The following STK3 variants were observed in gnomAD, a reference collection of about 807,000 sequenced individuals.
STK3 encodes the protein serine/threonine kinase 3.
In STK3, 41 loss-of-function variants were observed where a neutral mutation model predicts 58.0. The ratio of observed to expected loss-of-function variants is 0.71; its 90% CI spans 0.55 to 0.92. The LOEUF is 0.92. Ranked by LOEUF, STK3 falls within the 40% of genes least tolerant of loss-of-function variation. The pLI, the probability that STK3 is intolerant of heterozygous loss-of-function variation, is 0.00. For missense variants in STK3, 479 were observed against 602.7 expected, an observed-to-expected ratio of 0.79 and a Z score of 2.15; for synonymous variants, 170 against 191.0, an observed-to-expected ratio of 0.89 and a Z score of 0.91.
intron 6 of STK3, among the ~76,000 whole-genome samples, chr8:98,645,391 C>T (rs1417958549): frequency 1.3e-5 from 2 of 152,134 alleles, no homozygotes; most frequent in Non-Finnish European, 2.9e-5. Context: ...CTTAAAGGAA[C>T]ACACAAGGCC....
chr8:98,510,330 T>G (rs1459139523), intron 10 of STK3, among the ~76,000 whole-genome samples: 1 of 152,070 alleles, frequency 6.6e-6, no homozygotes, highest in East Asian at 1.9e-4. Context: ...ATGTGTGTTC[T>G]TTTTCTCCTT....
chr8:98,443,797 G>A lies in STK3; in HGVS notation n.186-6589C>T, dbSNP rs182599449. Among the ~76,000 whole-genome samples, 21 of 150,334 alleles carry A rather than the reference G, an allele frequency of 1.4e-4. 1 individual carries two copies. In the East Asian group the frequency reaches 3.7e-3, roughly 27 times the overall value. ...TAGGAGGCGGAGATTGCAATGAGCC[G>A]AGATCACACCACTGCATATTTCAAA... On this transcript the variant is annotated intron_variant and non_coding_transcript_variant, in intron 1 of 3. Coordinates refer to the STK3 transcript ENST00000517832.
downstream of STK3, among the ~76,000 whole-genome samples, chr8:98,368,207 A>G (rs1817581811): frequency 6.6e-6 from 1 of 152,232 alleles, no homozygotes; most frequent in South Asian, 2.1e-4. Context: ...GAGAAATCTG[A>G]AAGAGCTATA....
intron 1 of STK3, among the ~76,000 whole-genome samples, chr8:98,892,031 GT>G (rs897171548): frequency 2.0e-5 from 3 of 152,092 alleles, no homozygotes; most frequent in Non-Finnish European, 4.4e-5. Context: ...GTAGGCAGCT[GT>G]TTGCATAATG....
At chr8:98,378,695 AT>A (rs1170807534) in intron 2 of STK3, among the ~76,000 whole-genome samples, 5 of 152,196 alleles carry the variant, frequency 3.3e-5, no homozygotes, top group Admixed American at 6.5e-5. Context: ...CATCATCATG[AT>A]TATTATTAAT....
intron 1 of STK3, among the ~76,000 whole-genome samples, chr8:98,786,028 G>A (rs1832446708): frequency 6.6e-6 from 1 of 152,012 alleles, no homozygotes; most frequent in African/African-American, 2.4e-5. Flanking sequence ...CAACCAACAA[G>A]GACACTCAGA....
Position 98,650,547 on chromosome 8 carries a change from C to T in STK3, c.685-54378G>A, listed in dbSNP as rs369648629. ...CAAAGCAGGGAGAGGTATTGCCTCA[C>T]TCGGGAAGCGCAAGGGGTCAGGGAG... On this transcript the variant is annotated intron_variant, in intron 6 of 10. Transcript: ENST00000419617. Among the ~76,000 whole-genome samples the T allele has an allele frequency of 9.0e-4, 137 of 152,366 alleles. 1 individual carries two copies. In the Middle Eastern group the frequency reaches 0.01, roughly 11 times the overall value.
At chr8:98,634,635 A>ACG (rs1218933847) in intron 6 of STK3, among the ~76,000 whole-genome samples, 1 of 152,198 alleles carries the variant, frequency 6.6e-6, no homozygotes, top group Non-Finnish European at 1.5e-5. Flanking sequence ...TGATGAAAAA[A>ACG]CAGTGAAAAC....
At chr8:98,897,333 G>A (rs1263862132) in intron 1 of STK3, among the ~76,000 whole-genome samples, 2 of 152,114 alleles carry the variant, frequency 1.3e-5, no homozygotes, top group East Asian at 1.9e-4. Context: ...GGAGGCGGGC[G>A]GATCACGAGG....
At chr8:98,604,210 C>T (rs899993328) in intron 6 of STK3, among the ~76,000 whole-genome samples, 6 of 152,316 alleles carry the variant, frequency 3.9e-5, no homozygotes, top group African/African-American at 1.4e-4. Context: ...AGCTTCCCTG[C>T]CACCACTTCA....
intron 6 of STK3, among the ~76,000 whole-genome samples, chr8:98,651,165 C>G (rs1216990885): frequency 6.6e-6 from 1 of 152,218 alleles, no homozygotes; most frequent in Non-Finnish European, 1.5e-5. Context: ...AACGATCAGA[C>G]AGCAGCATTC....
chr8:98,691,659 G>A (rs1449726831), intron 6 of STK3, among the ~76,000 whole-genome samples: 8 of 152,062 alleles, frequency 5.3e-5, no homozygotes, highest in East Asian at 1.9e-4. Context: ...AGCACCGGGC[G>A]CAGTGGCTCA....
At chr8:98,473,248 G>T (rs115692890) in intron 10 of STK3, among the ~76,000 whole-genome samples, 1,769 of 152,186 alleles carry the variant, frequency 0.012, 37 homozygotes, top group African/African-American at 0.041. Flanking sequence ...TACACCCCCT[G>T]TTGTAATGAA....
chr8:98,936,801 C>G (rs1392700183), intron 1 of STK3, among the ~76,000 whole-genome samples: 2 of 152,218 alleles, frequency 1.3e-5, no homozygotes, highest in Non-Finnish European at 2.9e-5. Flanking sequence ...ACGTTAGAAA[C>G]ACTGCTGCCT....
chr8:98,627,074 C>A (rs1003746388), intron 6 of STK3, among the ~76,000 whole-genome samples: 3 of 152,148 alleles, frequency 2.0e-5, no homozygotes, highest in Non-Finnish European at 4.4e-5. Flanking sequence ...GTGGCTTGGA[C>A]TCAAGTCTTA....
intron 6 of STK3, among the ~76,000 whole-genome samples, chr8:98,621,317 T>G (rs1683985223): frequency 1.3e-5 from 2 of 152,204 alleles, no homozygotes; most frequent in African/African-American, 4.8e-5. Context: ...TTCATTGGTA[T>G]TTTCTATGTA....
At chr8:98,534,180 C>T (rs1352104235) in intron 9 of STK3, among the ~76,000 whole-genome samples, 3 of 152,342 alleles carry the variant, frequency 2.0e-5, no homozygotes, top group South Asian at 4.1e-4. Context: ...ACTCTCAACA[C>T]AACTGTTTAT....
intron 1 of STK3, among the ~76,000 whole-genome samples, chr8:98,912,418 A>C (rs1284710554): frequency 6.6e-6 from 1 of 151,456 alleles, no homozygotes; most frequent in Admixed American, 6.6e-5. Context: ...AAAAAAAAAA[A>C]CTTTATCTTG....
chr8:98,819,045 G>A (rs550556378), intron 1 of STK3, among the ~76,000 whole-genome samples: 288 of 152,164 alleles, frequency 1.9e-3, no homozygotes, highest in Non-Finnish European at 3.3e-3. Context: ...GGATGGTCTC[G>A]ATCTCCTGAC....
Sources: gnomAD v4.1 joint callset for allele counts (sites outside exome capture counted in the v4.1 genomes callset) on GRCh38, gnomAD v4.1.1 for gene constraint, MANE v1.5 for transcripts, NCBI Gene and HGNC (gene_info 2026-07-23, HGNC 2026-07-21) for gene names.